The following JMY variants were observed in gnomAD, a reference collection of about 807,000 sequenced individuals.
JMY encodes junction mediating and regulatory protein, p53 cofactor, also known as junction-mediating and -regulatory protein.
In JMY, 46 loss-of-function variants were observed where a neutral mutation model predicts 103.3. That is an observed-to-expected ratio of 0.45 (90% confidence interval 0.35 to 0.57). The LOEUF is 0.57. JMY is among the 20% of genes least tolerant of loss of function. The pLI, the probability that JMY is intolerant of heterozygous loss-of-function variation, is 0.00. For missense variants in JMY, 1,238 were observed against 1,255.2 expected (o/e 0.99, Z 0.21); for synonymous variants, 526 against 489.3 (o/e 1.07, Z -0.99).
intron 1 of JMY, among the ~76,000 whole-genome samples, chr5:79,265,550 C>T (rs2591386): frequency 0.47 from 71,415 of 151,746 alleles, 17,402 homozygotes; most frequent in African/African-American, 0.61. Context: ...TTTGATATGG[C>T]CATTTAGTTA....
chr5:79,270,516 T>A lies in JMY; in HGVS notation c.1033-7394T>A, dbSNP rs111217550. On this transcript the variant is annotated intron_variant, in intron 1 of 10. Coordinates refer to ENST00000396137, the MANE Select transcript of JMY (RefSeq NM_152405.5). ...ATAAAATATATATTTACATAAATAT[T>A]TAAAATATATATTTACATAAATATT... 5.4e-5 allele frequency among the ~76,000 whole-genome samples: 4 copies of A among 74,296 alleles called. 1 individual carries two copies. Among genetic ancestry groups the A allele is most frequent in the African/African-American group, 8.9e-5 (2 of 22,514 alleles). The allele number at this position is 74,296 out of a possible 152,430, so 48.7% of individuals were successfully genotyped here.
chr5:79,304,020 A>T (rs1223122778), intron 6 of JMY, among the ~76,000 whole-genome samples: 1 of 152,206 alleles, frequency 6.6e-6, no homozygotes, highest in Non-Finnish European at 1.5e-5. Flanking sequence ...GCTGAACTTA[A>T]TACCGGCTTA....
chr5:79,270,310 A>G (rs1337531147), intron 1 of JMY, among the ~76,000 whole-genome samples: 1 of 145,130 alleles, frequency 6.9e-6, no homozygotes, highest in African/African-American at 2.5e-5. Context: ...ATAAATATTT[A>G]AAATATATAT....
intron 1 of JMY, among the ~76,000 whole-genome samples, chr5:79,274,394 G>GTT (rs778011998): frequency 7.6e-6 from 1 of 130,810 alleles, no homozygotes; most frequent in African/African-American, 3.0e-5. Flanking sequence ...TTTAAAAATA[G>GTT]TGTTTTTTTT....
chr5:79,319,145 T>C (rs896850450), intron 10 of JMY, among the ~76,000 whole-genome samples: 1 of 152,200 alleles, frequency 6.6e-6, no homozygotes, highest in Non-Finnish European at 1.5e-5. Context: ...CCCTAGACAT[T>C]GCATCAGCAT....
chr5:79,249,485 C>G (rs1287718690), intron 1 of JMY, among the ~76,000 whole-genome samples: 5 of 152,208 alleles, frequency 3.3e-5, no homozygotes, highest in African/African-American at 9.7e-5. Context: ...CCTGTATAGC[C>G]TTGGAGTTGG....
chr5:79,282,292 G>T (rs1312351750), intron 2 of JMY, among the ~76,000 whole-genome samples: 1 of 152,148 alleles, frequency 6.6e-6, no homozygotes, highest in African/African-American at 2.4e-5. Context: ...GCCTTGGGTG[G>T]CTTAGGGGAA....
At chr5:79,318,483 T>G (rs74709395) in intron 10 of JMY, among the ~76,000 whole-genome samples, 7,306 of 152,188 alleles carry the variant, frequency 0.048, 242 homozygotes, top group Middle Eastern at 0.13. Flanking sequence ...TTTCACCTGT[T>G]CCTTTGGGTA....
intron 1 of JMY, among the ~76,000 whole-genome samples, chr5:79,249,164 G>A (rs781249436): frequency 3.3e-5 from 5 of 151,724 alleles, no homozygotes; most frequent in African/African-American, 1.2e-4. Flanking sequence ...TAAGAAAAAC[G>A]GTGTGAATTA....
At chr5:79,291,655 A>G (rs1257819356) in intron 4 of JMY, among the ~76,000 whole-genome samples, 3 of 152,210 alleles carry the variant, frequency 2.0e-5, no homozygotes, top group African/African-American at 7.2e-5. Flanking sequence ...AGGCAGTGGC[A>G]TTTTGTTAGG....
At position 79,325,929 on chromosome 5, in the gene JMY, A is replaced by T. The variant is rs1747627325; in HGVS notation, c.*4327A>T. ...GTATGAAAAGTTTCCCCATTGGGTTATTCTTAAGATGTGTTTATTGTAAAG... is the reference window on the plus strand; with the variant it reads ...GTATGAAAAGTTTCCCCATTGGGTTTTTCTTAAGATGTGTTTATTGTAAAG... On this transcript the variant is annotated 3_prime_UTR_variant, in exon 11 of 11. Coordinates refer to ENST00000396137, the MANE Select transcript of JMY (RefSeq NM_152405.5). 1 of 152,130 alleles carries T rather than the reference A, an allele frequency of 6.6e-6. No individual in the cohort carries two copies. Among genetic ancestry groups the T allele is most frequent in the African/African-American group, 2.4e-5 (1 of 41,454 alleles). 9.4% of individuals were successfully genotyped at this position (152,130 alleles called of 1,614,324 possible).
Position 79,312,414 on chromosome 5 carries a change from A to G in JMY, c.1980A>G (p.Lys660=), listed in dbSNP as rs760734217. 5.1e-6 allele frequency: 8 copies of G among 1,566,436 alleles called. No homozygotes were observed. The East Asian group carries it at 1.6e-4, about 31-fold the overall frequency. The part of the protein sequence containing the change: ...THHTVQLKRE[K]LHDEEERKSA... ...TAATTTTTTACCAGAAGAGAGAAAAATTACATGATGAAGAAGAAAGAAAAA... is the reference window on the plus strand; with the variant it reads ...TAATTTTTTACCAGAAGAGAGAAAAGTTACATGATGAAGAAGAAAGAAAAA... Residue 660 remains lysine, a synonymous_variant, in exon 8 of 11, where the codon AAA becomes AAG. Coordinates refer to ENST00000396137, the MANE Select transcript of JMY (RefSeq NM_152405.5).
At chr5:79,267,011 A>G (rs950815269) in intron 1 of JMY, among the ~76,000 whole-genome samples, 1 of 152,160 alleles carries the variant, frequency 6.6e-6, no homozygotes, top group African/African-American at 2.4e-5. Flanking sequence ...AAATTAATAG[A>G]CTTGAGTTTT....
At chr5:79,290,358 T>C in intron 3 of JMY, 87 bp downstream of exon 3, 1 of 908,020 alleles carries the variant, frequency 1.1e-6, no homozygotes, top group Non-Finnish European at 1.5e-6. Flanking sequence ...CATAGAAAAG[T>C]ATATAAAGAT....
intron 1 of JMY, among the ~76,000 whole-genome samples, chr5:79,277,428 A>G (rs982021305): frequency 6.6e-6 from 1 of 151,592 alleles, no homozygotes; most frequent in African/African-American, 2.4e-5. Context: ...GGAGTTCAAG[A>G]CCAGCCTGGG....
At chr5:79,256,710 CT>C (rs1327049777) in intron 1 of JMY, among the ~76,000 whole-genome samples, 5 of 152,052 alleles carry the variant, frequency 3.3e-5, no homozygotes, top group Admixed American at 6.6e-5. Flanking sequence ...GTCCTTCTTT[CT>C]TTCTTTTCTG....
At chr5:79,292,834 CAT>C (rs1344609728) in intron 4 of JMY, among the ~76,000 whole-genome samples, 3 of 151,998 alleles carry the variant, frequency 2.0e-5, no homozygotes, top group African/African-American at 7.3e-5. Flanking sequence ...GGGGCTGTCC[CAT>C]TAATGTAATA....
intron 4 of JMY, among the ~76,000 whole-genome samples, chr5:79,298,215 C>G (rs1367480518): frequency 2.0e-5 from 3 of 152,196 alleles, no homozygotes; most frequent in Non-Finnish European, 4.4e-5. Context: ...TGAACAATAT[C>G]ACTGGAAAGT....
At chr5:79,255,016 TTGTC>T (rs1446296828) in intron 1 of JMY, among the ~76,000 whole-genome samples, 1 of 151,936 alleles carries the variant, frequency 6.6e-6, no homozygotes, top group Non-Finnish European at 1.5e-5. Flanking sequence ...TTTATTAAGT[TTGTC>T]TGATAGAAAT....
Sources: allele counts gnomAD v4.1 joint callset (sites outside exome capture counted in the v4.1 genomes callset), GRCh38; gene constraint gnomAD v4.1.1; transcripts MANE v1.5; gene names NCBI Gene and HGNC (gene_info 2026-07-23, HGNC 2026-07-21).